Variants in SLC25A21 observed in about 807,000 individuals in gnomAD.
SLC25A21 encodes the protein mitochondrial 2-oxodicarboxylate carrier.
A neutral mutation model predicts 43.8 loss-of-function variants in SLC25A21; 47 were observed. The ratio of observed to expected loss-of-function variants is 1.07; its 90% CI spans 0.85 to 1.37. SLC25A21 has a LOEUF of 1.37. Ranked by LOEUF, SLC25A21 falls within the 40% of genes most tolerant of loss-of-function variation. SLC25A21 has a pLI of 0.00. For missense variants in SLC25A21, 352 were observed against 350.2 expected, an observed-to-expected ratio of 1.00 and a Z score of -0.04; for synonymous variants, 131 against 121.3, an observed-to-expected ratio of 1.08 and a Z score of -0.52.
At chr14:37,115,044 A>T (rs1252480925) in intron 1 of SLC25A21, among the ~76,000 whole-genome samples, 1 of 152,262 alleles carries the variant, frequency 6.6e-6, no homozygotes, top group East Asian at 1.9e-4. Flanking sequence ...CTGGCTCCAA[A>T]TGTGGGATGG....
chr14:36,934,162 T>G (rs931118889), intron 1 of SLC25A21, among the ~76,000 whole-genome samples: 1 of 152,178 alleles, frequency 6.6e-6, no homozygotes, highest in Non-Finnish European at 1.5e-5. Flanking sequence ...AGAAGTTTAT[T>G]TGGATAATAA....
intron 1 of SLC25A21, among the ~76,000 whole-genome samples, chr14:36,955,772 T>C (rs1341981962): frequency 6.6e-6 from 1 of 152,120 alleles, no homozygotes; most frequent in Non-Finnish European, 1.5e-5. Context: ...GAGTAATTCA[T>C]CTTGTGGAAT....
chr14:36,683,901 G>T, intron 8 of SLC25A21, 21 bp from the exon 9 acceptor site: 1 of 1,580,692 alleles, frequency 6.3e-7, no homozygotes, highest in East Asian at 2.2e-5. Flanking sequence ...AAGGGAAAGA[G>T]AAACGTTCTT....
At chr14:36,804,120 T>C (rs965066753) in intron 3 of SLC25A21, among the ~76,000 whole-genome samples, 6 of 152,218 alleles carry the variant, frequency 3.9e-5, no homozygotes, top group East Asian at 3.8e-4. Flanking sequence ...TCTTTGAGTA[T>C]TGATATCAAG....
chr14:36,763,912 TCA>T (rs1468976118), intron 3 of SLC25A21, among the ~76,000 whole-genome samples: 31 of 150,388 alleles, frequency 2.1e-4, no homozygotes, highest in African/African-American at 6.9e-4. Context: ...ACCTGTAATC[TCA>T]GTTACTTGGG....
chr14:36,813,589 G>C (rs962209548), intron 3 of SLC25A21, among the ~76,000 whole-genome samples: 3 of 152,062 alleles, frequency 2.0e-5, no homozygotes, highest in African/African-American at 7.2e-5. Context: ...AGTGTGAACG[G>C]GGAATGAATT....
intron 3 of SLC25A21, among the ~76,000 whole-genome samples, chr14:36,736,803 G>A (rs926451228): frequency 1.3e-5 from 2 of 152,178 alleles, no homozygotes; most frequent in South Asian, 2.1e-4. Flanking sequence ...TCTTTTGAAA[G>A]GTGTGTGTTA....
chr14:36,820,640 G>C (rs1173724350), intron 2 of SLC25A21, among the ~76,000 whole-genome samples: 1 of 152,154 alleles, frequency 6.6e-6, no homozygotes, highest in Non-Finnish European at 1.5e-5. Context: ...AATTTGATTT[G>C]AGGGAAAGCA....
chr14:36,745,650 A>G (rs1885464612), intron 3 of SLC25A21, among the ~76,000 whole-genome samples: 1 of 152,146 alleles, frequency 6.6e-6, no homozygotes, highest in Non-Finnish European at 1.5e-5. Flanking sequence ...TTCTTTTGAG[A>G]AGTATCTGTT....
chr14:37,155,637 T>C (rs1963834873), intron 1 of SLC25A21, among the ~76,000 whole-genome samples: 1 of 152,172 alleles, frequency 6.6e-6, no homozygotes, highest in Non-Finnish European at 1.5e-5. Flanking sequence ...CATGATATAG[T>C]GATAGTGGCA....
chr14:37,088,352 A>G (rs1240663444), intron 1 of SLC25A21, among the ~76,000 whole-genome samples: 2 of 152,230 alleles, frequency 1.3e-5, no homozygotes, highest in Admixed American at 1.3e-4. Flanking sequence ...CAAAGTAAAG[A>G]TAAGTAATAA....
chr14:37,072,700 C>T (rs1194849143), intron 1 of SLC25A21, among the ~76,000 whole-genome samples: 1 of 151,844 alleles, frequency 6.6e-6, no homozygotes, highest in Admixed American at 6.6e-5. Context: ...GCTGAGATGG[C>T]GCCACTATAC....
chr14:37,103,167 A>G (rs1465391773), intron 1 of SLC25A21, among the ~76,000 whole-genome samples: 2 of 152,218 alleles, frequency 1.3e-5, no homozygotes, highest in Admixed American at 1.3e-4. Flanking sequence ...TTATACTGCA[A>G]GTAATAAATA....
At chr14:37,016,870 T>A (rs1348617740) in intron 1 of SLC25A21, among the ~76,000 whole-genome samples, 1 of 152,102 alleles carries the variant, frequency 6.6e-6, no homozygotes, top group Non-Finnish European at 1.5e-5. Context: ...AACCAATCTC[T>A]GCTGGCTTCA....
At chr14:36,860,147 A>G (rs567447198) in intron 2 of SLC25A21, among the ~76,000 whole-genome samples, 32 of 144,144 alleles carry the variant, frequency 2.2e-4, no homozygotes, top group Admixed American at 6.1e-4. Flanking sequence ...AAAAAAAAAA[A>G]AGAGAGACAC....
intron 1 of SLC25A21, among the ~76,000 whole-genome samples, chr14:37,049,334 G>A (rs1488383677): frequency 6.6e-6 from 1 of 152,178 alleles, no homozygotes; most frequent in African/African-American, 2.4e-5. Flanking sequence ...CACTTTGGCA[G>A]GCCAAGGTGG....
At chr14:36,840,950 A>G (rs1889366175) in intron 2 of SLC25A21, among the ~76,000 whole-genome samples, 1 of 152,242 alleles carries the variant, frequency 6.6e-6, no homozygotes, top group African/African-American at 2.4e-5. Context: ...TCTGAGTCTA[A>G]GCTGAAGGAC....
intron 1 of SLC25A21, among the ~76,000 whole-genome samples, chr14:37,144,784 GT>G (rs11418098): frequency 0.042 from 6,342 of 151,480 alleles, 373 homozygotes; most frequent in East Asian, 0.25. Flanking sequence ...GTTGTTTTGG[GT>G]TTTTTTTTTT....
At chr14:36,922,898 C>T (rs1316744442) in intron 1 of SLC25A21, among the ~76,000 whole-genome samples, 5 of 152,108 alleles carry the variant, frequency 3.3e-5, no homozygotes, top group African/African-American at 1.2e-4. Flanking sequence ...ACAGTGAAAT[C>T]CAGACCCTCA....
Sources: allele counts gnomAD v4.1 joint callset (sites outside exome capture counted in the v4.1 genomes callset), GRCh38; gene constraint gnomAD v4.1.1; transcripts MANE v1.5; gene names NCBI Gene and HGNC (gene_info 2026-07-23, HGNC 2026-07-21).